The following ATF6 variants were observed in gnomAD, a reference collection of about 807,000 sequenced individuals.
ATF6 encodes the protein activating transcription factor 6.
A neutral mutation model predicts 83.6 loss-of-function variants in ATF6; 53 were observed. The ratio of observed to expected loss-of-function variants is 0.63; its 90% confidence interval spans 0.51 to 0.80. The LOEUF is 0.80. Ranked by LOEUF, ATF6 falls within the 30% of genes least tolerant of loss-of-function variation. ATF6 has a pLI of 0.00. For missense variants in ATF6, 744 were observed against 797.9 expected (o/e 0.93, Z 0.81); for synonymous variants, 288 against 285.8 (o/e 1.01, Z -0.08).
intron 9 of ATF6, among the ~76,000 whole-genome samples, chr1:161,836,710 G>A (rs1038205557): frequency 6.6e-6 from 1 of 152,212 alleles, no homozygotes; most frequent in African/African-American, 2.4e-5. Flanking sequence ...CTTTTCTCTA[G>A]TTTTGGCTTT....
At position 161,792,328 on chromosome 1, in the gene ATF6, G is replaced by C; in HGVS notation, c.688+1G>C. 1 of 1,612,826 alleles carries C rather than the reference G, an allele frequency of 6.2e-7. No individual in the cohort carries two copies. The highest frequency in any genetic ancestry group is 8.5e-7 in the Non-Finnish European group (1 of 1,179,540). ...AGTTTACAACCTGCACCCACTAAAG[G>C]TACCTGAGCAGAATTTAAGGCTGTG... On this transcript the variant is annotated splice_donor_variant, in intron 6 of 15. Transcript: ENST00000367942. LOFTEE classifies it high-confidence loss of function.
intron 9 of ATF6, among the ~76,000 whole-genome samples, chr1:161,837,551 T>C (rs1185634994): frequency 6.6e-6 from 1 of 152,148 alleles, no homozygotes. Context: ...TTATTTTCTG[T>C]CTCAGCCCTT....
intron 15 of ATF6, among the ~76,000 whole-genome samples, chr1:161,914,715 ACTT>A (rs1311852591): frequency 5.9e-5 from 9 of 152,140 alleles, no homozygotes; most frequent in Non-Finnish European, 1.3e-4. Context: ...TGACCCTGCC[ACTT>A]CTTTTCTGTG....
chr1:161,948,608 A>G (rs1267271139), intron 15 of ATF6, among the ~76,000 whole-genome samples: 3 of 152,232 alleles, frequency 2.0e-5, no homozygotes, highest in Non-Finnish European at 4.4e-5. Context: ...AAAATTTTAA[A>G]TGACTCAACA....
chr1:161,938,031 C>T (rs1398562241), intron 15 of ATF6, among the ~76,000 whole-genome samples: 2 of 152,132 alleles, frequency 1.3e-5, no homozygotes, highest in Non-Finnish European at 2.9e-5. Context: ...TACACAAACA[C>T]ATTTGCTTTT....
intron 1 of ATF6, among the ~76,000 whole-genome samples, chr1:161,771,416 C>G (rs1410356885): frequency 6.6e-6 from 1 of 152,150 alleles, no homozygotes; most frequent in African/African-American, 2.4e-5. Context: ...CGTAATGCCC[C>G]GGTGAACGGT....
In ATF6 at chr1:161,958,681, A is replaced by G; in HGVS notation, c.*27A>G. On this transcript the variant is annotated 3_prime_UTR_variant, in exon 16 of 16. Coordinates refer to ENST00000367942, the MANE Select transcript of ATF6 (RefSeq NM_007348.4). ...ACCCTGCAGCTATGCTGGAAAACTG[A>G]GCGTGGGACCCTGCCAGACTGAAGA... 2 of 1,573,394 alleles carry G rather than the reference A, an allele frequency of 1.3e-6. No individual in the cohort carries two copies. Among genetic ancestry groups the G allele is most frequent in the Non-Finnish European group, 1.7e-6 (2 of 1,157,270 alleles).
intron 15 of ATF6, among the ~76,000 whole-genome samples, chr1:161,914,397 AT>A (rs1688049337): frequency 6.6e-6 from 1 of 151,936 alleles, no homozygotes; most frequent in African/African-American, 2.4e-5. Context: ...TCTAACCCTT[AT>A]TTGTTGCTGC....
At chr1:161,877,141 C>G (rs965915543) in intron 14 of ATF6, among the ~76,000 whole-genome samples, 1 of 152,006 alleles carries the variant, frequency 6.6e-6, no homozygotes, top group South Asian at 2.1e-4. Context: ...GCTTGTTTCT[C>G]TTAAGGTTTA....
intron 14 of ATF6, among the ~76,000 whole-genome samples, chr1:161,901,280 C>G (rs1027392244): frequency 6.6e-6 from 1 of 151,612 alleles, no homozygotes; most frequent in African/African-American, 2.4e-5. Context: ...GAGTATAGTA[C>G]CCAACCAGTT....
intron 9 of ATF6, among the ~76,000 whole-genome samples, chr1:161,837,111 C>T (rs1474067214): frequency 6.6e-6 from 1 of 152,092 alleles, no homozygotes; most frequent in African/African-American, 2.4e-5. Context: ...TGCTGCAGAA[C>T]ATAAATAATA....
intron 14 of ATF6, among the ~76,000 whole-genome samples, chr1:161,869,142 G>A (rs375994650): frequency 4.6e-5 from 7 of 151,860 alleles, no homozygotes; most frequent in African/African-American, 1.7e-4. Context: ...TTAGTCCCAC[G>A]GATGGGCATA....
chr1:161,955,286 G>A (rs919242080), intron 15 of ATF6, among the ~76,000 whole-genome samples: 2 of 152,056 alleles, frequency 1.3e-5, no homozygotes, highest in African/African-American at 2.4e-5. Context: ...GTTAAAACTC[G>A]ATCTGATAGT....
chr1:161,816,980 A>G (rs1685628554), intron 7 of ATF6, among the ~76,000 whole-genome samples: 1 of 152,112 alleles, frequency 6.6e-6, no homozygotes, highest in Admixed American at 6.5e-5. Context: ...GGTTTCATTT[A>G]TTTTTACTGT....
rs1168848697 is a variant in ATF6 at position 161,791,465 on chromosome 1, A to G, written c.412A>G (p.Asn138Asp). ...GTCTCCCCTTTCCTTATATGGTGAA[A>G]ACTCTAATAGTCTCTCTTCAGCGGA... ...QMSPLSLYGENSNSLSSAEPL... is the reference protein window; with the variant it reads ...QMSPLSLYGEDSNSLSSAEPL... The change falls in exon 5 of 16, where the codon AAC becomes GAC. Residue 138 changes from asparagine to aspartate, a missense_variant. Transcript: ENST00000367942. 3 of 1,612,848 alleles carry G rather than the reference A, an allele frequency of 1.9e-6. No homozygotes were observed. In the East Asian group the frequency reaches 6.7e-5, roughly 36 times the overall value.
In ATF6 at chr1:161,956,102, A is replaced by G. The variant is rs879629218; in HGVS notation, c.1805-2344A>G. 1.2e-4 allele frequency among the ~76,000 whole-genome samples: 18 copies of G among 152,314 alleles called. No homozygotes were observed. In the East Asian group the frequency reaches 2.1e-3, roughly 18 times the overall value. ...AAAACCGCAGTTATCAGTTTAAACCATAACAGGCACGTGGGCTCTAATGAC... is the reference window on the plus strand; with the variant it reads ...AAAACCGCAGTTATCAGTTTAAACCGTAACAGGCACGTGGGCTCTAATGAC... On this transcript the variant is annotated intron_variant, in intron 15 of 15. Transcript: ENST00000367942.
chr1:161,941,782 T>A (rs77529436), intron 15 of ATF6, among the ~76,000 whole-genome samples: 2 of 152,332 alleles, frequency 1.3e-5, no homozygotes, highest in African/African-American at 4.8e-5. Context: ...ACTTGACAAG[T>A]TTTTAGTGCT....
chr1:161,950,030 C>A (rs937067011), intron 15 of ATF6, among the ~76,000 whole-genome samples: 1 of 152,196 alleles, frequency 6.6e-6, no homozygotes, highest in Non-Finnish European at 1.5e-5. Flanking sequence ...ATTATAGTGT[C>A]ATGTCAGATC....
chr1:161,811,787 C>A lies in ATF6; in HGVS notation c.910-7846C>A, dbSNP rs12122783. Among the ~76,000 whole-genome samples, 25 of 151,096 alleles carry A rather than the reference C, an allele frequency of 1.7e-4. No individual in the cohort carries two copies. The South Asian group carries it at 1.7e-3, about 10-fold the overall frequency. On this transcript the variant is annotated intron_variant, in intron 7 of 15. Coordinates refer to ENST00000367942, the MANE Select transcript of ATF6 (RefSeq NM_007348.4). ...TCCATCCATCCATCCATCCATCCAT[C>A]CATATACACACACAATTTTTTTCCT...
Sources: gnomAD v4.1 joint callset for allele counts (sites outside exome capture counted in the v4.1 genomes callset) on GRCh38, gnomAD v4.1.1 for gene constraint, MANE v1.5 for transcripts, NCBI Gene and HGNC (gene_info 2026-07-23, HGNC 2026-07-21) for gene names.